The following UGT2B7 variants were observed in gnomAD, a reference collection of about 807,000 sequenced individuals.
The protein encoded by UGT2B7 is UDP glucuronosyltransferase family 2 member B7, also known as UDP-glucuronosyltransferase 2B7.
UGT2B7 carries 51 observed loss-of-function variants against 51.9 expected under a neutral mutation model. The ratio of observed to expected loss-of-function variants is 0.98; its 90% CI spans 0.78 to 1.24. UGT2B7 has a LOEUF of 1.24. Among genes scored for constraint, UGT2B7 ranks in the 50% most tolerant of loss-of-function variants. The probability of loss-of-function intolerance (pLI) is 0.00; values close to 1 mark genes in which losing one functional copy is unlikely to be tolerated. For missense variants in UGT2B7, 727 were observed against 628.4 expected (o/e 1.16, Z -1.68); for synonymous variants, 225 against 211.6 (o/e 1.06, Z -0.55).
chr4:69,096,689 G>C lies in UGT2B7; in HGVS notation c.169G>C (p.Ala57Pro), dbSNP rs1207209058. 3.7e-6 allele frequency: 6 copies of C among 1,613,978 alleles called. No homozygotes were observed. The South Asian group carries it at 5.5e-5, about 15-fold the overall frequency. The change falls in exon 1 of 6, where the codon GCA becomes CCA. Residue 57 changes from alanine to proline, a missense_variant. Ala to Pro is a conservative substitution (Grantham distance 27). Coordinates refer to ENST00000305231, the MANE Select transcript of UGT2B7 (RefSeq NM_001074.4). ...GAGAGGTCATGAGGTGACTGTACTG[G>C]CATCTTCAGCTTCCATTCTTTTTGA... The part of the protein sequence containing the change: ...IQRGHEVTVL[A>P]SSASILFDPN...
At chr4:69,078,545 C>G (rs1338779740) in intron 1 of UGT2B7, among the ~76,000 whole-genome samples, 1 of 152,086 alleles carries the variant, frequency 6.6e-6, no homozygotes, top group African/African-American at 2.4e-5. Context: ...ATTCAGTTGA[C>G]TATCTTTGAT....
chr4:69,087,877 T>C (rs1718997493), intron 1 of UGT2B7, among the ~76,000 whole-genome samples: 1 of 152,022 alleles, frequency 6.6e-6, no homozygotes. Flanking sequence ...CAATATTCTT[T>C]CTTTGTATTT....
At position 69,070,338 on chromosome 4, in the gene UGT2B7, C is replaced by T. The variant is rs191473742; in HGVS notation, c.-159+18736C>T. On this transcript the variant is annotated intron_variant, in intron 1 of 5. Transcript: ENST00000502942. ...TTTATTTCAACTTTTATTTCAAGTT[C>T]GGAAGCACATGTGCAAAATGTGCAC... Among the ~76,000 whole-genome samples the T allele has an allele frequency of 5.4e-3, 791 of 147,200 alleles. 12 individuals are homozygous for T. Among genetic ancestry groups the T allele is most frequent in the African/African-American group, 0.019 (759 of 40,426 alleles).
chr4:69,058,223 G>T (rs1377697158), intron 1 of UGT2B7, among the ~76,000 whole-genome samples: 1 of 152,124 alleles, frequency 6.6e-6, no homozygotes, highest in Non-Finnish European at 1.5e-5. Context: ...GGAGGGAAGA[G>T]ACCCTTCCTC....
chr4:69,095,377 G>C (rs1719195089), upstream of UGT2B7, among the ~76,000 whole-genome samples: 1 of 152,186 alleles, frequency 6.6e-6, no homozygotes, highest in Non-Finnish European at 1.5e-5. Context: ...TCCTTGTGGG[G>C]TCCTCTAGAT....
chr4:69,101,570 C>T (rs1489621827), intron 2 of UGT2B7, among the ~76,000 whole-genome samples: 4 of 151,970 alleles, frequency 2.6e-5, no homozygotes, highest in East Asian at 3.9e-4. Flanking sequence ...TGCAATCACA[C>T]GCAATACCTA....
intron 1 of UGT2B7, among the ~76,000 whole-genome samples, chr4:69,077,721 T>A (rs144360792): frequency 8.5e-5 from 13 of 152,084 alleles, no homozygotes; most frequent in Non-Finnish European, 1.6e-4. Flanking sequence ...AATCATGTCA[T>A]CTGCAGAGAC....
chr4:69,097,103 C>G lies in UGT2B7; in HGVS notation c.583C>G (p.Pro195Ala). Reference sequence around the variant, plus strand: ...ATTTATTTTCCCTCCTTCCTACGTACCTGTTGTTATGTCAGAATTAACTGA... The same window carrying G: ...ATTTATTTTCCCTCCTTCCTACGTAGCTGTTGTTATGTCAGAATTAACTGA... The part of the protein sequence containing the change: ...GGFIFPPSYV[P>A]VVMSELTDQM... Residue 195 changes from proline (P) to alanine (A), a missense_variant, in exon 1 of 6, where the codon CCT becomes GCT. Physicochemically the swap from Pro to Ala is conservative, Grantham distance 27 (BLOSUM62 -1). Coordinates refer to ENST00000305231, the MANE Select transcript of UGT2B7 (RefSeq NM_001074.4). The G allele has an allele frequency of 6.2e-7, 1 of 1,613,690 alleles. No individual in the cohort carries two copies. The highest frequency in any genetic ancestry group is 2.2e-5 in the East Asian group (1 of 44,854).
intron 2 of UGT2B7, among the ~76,000 whole-genome samples, chr4:69,102,400 G>A (rs778233619): frequency 7.9e-5 from 12 of 152,022 alleles, no homozygotes; most frequent in Non-Finnish European, 1.6e-4. Flanking sequence ...AAACACAAGG[G>A]ATTTAGTAGA....
intron 1 of UGT2B7, among the ~76,000 whole-genome samples, chr4:69,062,804 A>G (rs1156614444): frequency 6.6e-6 from 1 of 152,224 alleles, no homozygotes; most frequent in Non-Finnish European, 1.5e-5. Flanking sequence ...CGAAGCTTGA[A>G]GAATCGTCAT....
chr4:69,106,262 C>A (rs1398938560), intron 3 of UGT2B7, among the ~76,000 whole-genome samples: 1 of 152,066 alleles, frequency 6.6e-6, no homozygotes, highest in Non-Finnish European at 1.5e-5. Flanking sequence ...ACCCTCCACC[C>A]TCCAATACAC....
intron 1 of UGT2B7, among the ~76,000 whole-genome samples, chr4:69,064,098 GAAAGAAAGAAAGAAAAAGAA>G (rs1718430894): frequency 1.1e-5 from 1 of 90,054 alleles, no homozygotes; most frequent in Non-Finnish European, 2.2e-5. Context: ...GAAAGAAAGA[GAAAGAAAGAAAGAAAAAGAA>G]AGAAAGAAAG....
intron 1 of UGT2B7, among the ~76,000 whole-genome samples, chr4:69,074,022 C>T (rs1718652733): frequency 6.6e-6 from 1 of 152,104 alleles, no homozygotes; most frequent in Non-Finnish European, 1.5e-5. Flanking sequence ...ACTCTTCCAT[C>T]TCTGAACATT....
chr4:69,103,938 C>T (rs1316599831), intron 3 of UGT2B7, among the ~76,000 whole-genome samples: 1 of 152,056 alleles, frequency 6.6e-6, no homozygotes, highest in Non-Finnish European at 1.5e-5. Context: ...GAATAATAAC[C>T]AACACATGTG....
chr4:69,078,397 G>A (rs1189694003), intron 1 of UGT2B7, among the ~76,000 whole-genome samples: 1 of 152,106 alleles, frequency 6.6e-6, no homozygotes, highest in Non-Finnish European at 1.5e-5. Context: ...TGTACCTCTG[G>A]TAGAATTCAG....
At chr4:69,102,780 G>C (rs1344464876) in intron 2 of UGT2B7, 27 bp from the exon 3 acceptor site, 1 of 1,608,810 alleles carries the variant, frequency 6.2e-7, no homozygotes, top group South Asian at 1.1e-5. Flanking sequence ...ATACTCTTTT[G>C]TGATGAAGCA....
rs1577924420 is a variant in UGT2B7 at position 69,102,863 on chromosome 4, G to A, written c.927G>A (p.Leu309=). 1 of 1,613,552 alleles carries A rather than the reference G, an allele frequency of 6.2e-7. No individual in the cohort carries two copies. Among genetic ancestry groups the A allele is most frequent in the East Asian group, 2.2e-5 (1 of 44,834 alleles). The part of the protein sequence containing the change: ...SGENGVVVFS[L]GSMVSNMTEE... ...AAAATGGTGTTGTGGTGTTTTCTCT[G>A]GGGTCAATGGTCAGTAACATGACAG... Residue 309 remains leucine, a synonymous_variant, in exon 3 of 6, where the codon CTG becomes CTA. Coordinates refer to ENST00000305231, the MANE Select transcript of UGT2B7 (RefSeq NM_001074.4).
intron 1 of UGT2B7, among the ~76,000 whole-genome samples, chr4:69,071,826 A>T (rs1718608507): frequency 6.6e-6 from 1 of 152,098 alleles, no homozygotes; most frequent in South Asian, 2.1e-4. Flanking sequence ...TTTTATAGTA[A>T]TGTCTTCTTT....
At chr4:69,098,212 A>C (rs1719302577) in intron 1 of UGT2B7, among the ~76,000 whole-genome samples, 1 of 151,994 alleles carries the variant, frequency 6.6e-6, no homozygotes, top group African/African-American at 2.4e-5. Flanking sequence ...GTATGCTACT[A>C]TTGAAGCTTT....
Sources: gnomAD v4.1 joint callset for allele counts (sites outside exome capture counted in the v4.1 genomes callset) on GRCh38, gnomAD v4.1.1 for gene constraint, MANE v1.5 for transcripts, NCBI Gene and HGNC (gene_info 2026-07-23, HGNC 2026-07-21) for gene names.